Variants in SCFD2 observed in about 807,000 individuals in gnomAD.
The protein encoded by SCFD2 is sec1 family domain containing 2.
In SCFD2, 54 loss-of-function variants were observed where a neutral mutation model predicts 58.9. The ratio of observed to expected loss-of-function variants is 0.92; its 90% CI spans 0.74 to 1.15. The LOEUF (loss-of-function observed/expected upper bound fraction) is 1.15. SCFD2 is among the 50% of genes most tolerant of loss of function. The pLI is 0.00. For synonymous variants in SCFD2, 321 were observed against 335.9 expected (o/e 0.96, Z 0.49); for missense variants, 805 against 836.6 (o/e 0.96, Z 0.47).
intron 5 of SCFD2, among the ~76,000 whole-genome samples, chr4:53,014,349 G>A (rs577909897): frequency 3.9e-5 from 6 of 152,218 alleles, no homozygotes; most frequent in African/African-American, 7.2e-5. Context: ...AGGGATTATA[G>A]TCAGAGTCTC....
At chr4:52,961,003 G>A (rs548618537) in intron 5 of SCFD2, among the ~76,000 whole-genome samples, 3 of 152,254 alleles carry the variant, frequency 2.0e-5, no homozygotes, top group African/African-American at 4.8e-5. Context: ...GGACCTGAGC[G>A]GGACCTTGCA....
chr4:52,896,577 T>C (rs920681452), intron 7 of SCFD2, among the ~76,000 whole-genome samples: 13 of 152,192 alleles, frequency 8.5e-5, no homozygotes, highest in African/African-American at 3.1e-4. Context: ...TGTAGTATAG[T>C]TTGAAGTCAG....
intron 5 of SCFD2, among the ~76,000 whole-genome samples, chr4:52,998,779 G>T (rs1721800364): frequency 6.6e-6 from 1 of 151,980 alleles, no homozygotes; most frequent in African/African-American, 2.4e-5. Flanking sequence ...AAATACTAAA[G>T]GAAATACTTT....
At chr4:53,015,155 A>T (rs1722181512) in intron 5 of SCFD2, among the ~76,000 whole-genome samples, 1 of 152,226 alleles carries the variant, frequency 6.6e-6, no homozygotes, top group Admixed American at 6.5e-5. Flanking sequence ...CTCATTAAGC[A>T]AAGCTCACTA....
chr4:53,094,569 G>A (rs1043795669), intron 5 of SCFD2, among the ~76,000 whole-genome samples: 4 of 152,000 alleles, frequency 2.6e-5, no homozygotes, highest in African/African-American at 9.7e-5. Context: ...TGAGGGTGAG[G>A]ACTTTAACAT....
At chr4:53,297,788 G>A (rs1732095887) in intron 3 of SCFD2, among the ~76,000 whole-genome samples, 1 of 152,202 alleles carries the variant, frequency 6.6e-6, no homozygotes, top group African/African-American at 2.4e-5. Context: ...TGCAGTGGCT[G>A]GTACCAGTTG....
At chr4:52,883,921 C>CT (rs1391229407) in intron 8 of SCFD2, among the ~76,000 whole-genome samples, 3 of 152,180 alleles carry the variant, frequency 2.0e-5, no homozygotes, top group Non-Finnish European at 2.9e-5. Context: ...TCTGCTGTAG[C>CT]TCTCTAGGTA....
intron 2 of SCFD2, among the ~76,000 whole-genome samples, chr4:53,315,455 A>C (rs1382156708): frequency 2.6e-5 from 4 of 152,132 alleles, no homozygotes; most frequent in South Asian, 2.1e-4. Context: ...ATTCCTTGCC[A>C]AGTCATGTCA....
At chr4:52,946,961 T>C (rs1029105085) in intron 5 of SCFD2, among the ~76,000 whole-genome samples, 3 of 152,186 alleles carry the variant, frequency 2.0e-5, no homozygotes, top group Admixed American at 2.0e-4. Context: ...ATCTCTGTCC[T>C]GCTGACAGTT....
At chr4:52,913,922 A>G (rs908940428) in intron 6 of SCFD2, among the ~76,000 whole-genome samples, 14 of 152,190 alleles carry the variant, frequency 9.2e-5, no homozygotes, top group African/African-American at 3.1e-4. Flanking sequence ...AAGGAGTCTA[A>G]CTGTTTGCTA....
chr4:52,984,232 T>G (rs980403511), intron 5 of SCFD2, among the ~76,000 whole-genome samples: 4 of 152,224 alleles, frequency 2.6e-5, no homozygotes, highest in African/African-American at 9.6e-5. Flanking sequence ...GAGGCTATAT[T>G]GGATATATTC....
intron 5 of SCFD2, among the ~76,000 whole-genome samples, chr4:52,960,794 T>G (rs989695163): frequency 2.0e-5 from 3 of 152,100 alleles, no homozygotes; most frequent in African/African-American, 7.2e-5. Flanking sequence ...CAAAAATTTA[T>G]TATACATCAA....
At chr4:53,346,062 C>T (rs770070827) in intron 2 of SCFD2, among the ~76,000 whole-genome samples, 11 of 152,006 alleles carry the variant, frequency 7.2e-5, no homozygotes, top group Non-Finnish European at 1.5e-4. Context: ...AACAAACCTG[C>T]ACGTTGTGCA....
intron 4 of SCFD2, among the ~76,000 whole-genome samples, chr4:53,216,888 T>G (rs1728859992): frequency 6.6e-6 from 1 of 152,234 alleles, no homozygotes; most frequent in Admixed American, 6.5e-5. Flanking sequence ...TATTTCTGCC[T>G]TCATTTCGTT....
chr4:53,255,814 C>G (rs562777922), intron 4 of SCFD2, among the ~76,000 whole-genome samples: 1 of 150,296 alleles, frequency 6.7e-6, no homozygotes, highest in Non-Finnish European at 1.5e-5. Context: ...CCTCACCTCC[C>G]GGACCGGGCA....
intron 3 of SCFD2, among the ~76,000 whole-genome samples, chr4:53,297,236 C>A (rs1732069565): frequency 1.3e-5 from 2 of 151,932 alleles, no homozygotes; most frequent in South Asian, 2.1e-4. Flanking sequence ...TTGAAAGCAG[C>A]ATGTTAAAGT....
At chr4:53,205,242 G>C (rs2148972331) in intron 4 of SCFD2, among the ~76,000 whole-genome samples, 1 of 152,194 alleles carries the variant, frequency 6.6e-6, no homozygotes, top group African/African-American at 2.4e-5. Context: ...TCCAATTCAG[G>C]AGACAAGCAC....
In SCFD2 at chr4:53,109,028, C is replaced by T. The variant is rs1373045615; in HGVS notation, c.1561+36305G>A. ...AAAAGCTCATCTACCATGATCAAGT[C>T]AGCTTCATACCTGGGATGCAAGACT... On this transcript the variant is annotated intron_variant, in intron 5 of 8. Transcript: ENST00000401642. Among the ~76,000 whole-genome samples, 3 of 152,146 alleles carry T rather than the reference C, an allele frequency of 2.0e-5. No individual in the cohort carries two copies. The East Asian group carries it at 5.8e-4, about 29-fold the overall frequency.
At chr4:53,136,899 T>C (rs189222274) in intron 5 of SCFD2, among the ~76,000 whole-genome samples, 1 of 152,208 alleles carries the variant, frequency 6.6e-6, no homozygotes, top group Non-Finnish European at 1.5e-5. Context: ...GTTTATGATA[T>C]AAGTCCAGCA....
Sources: gnomAD v4.1 joint callset for allele counts (sites outside exome capture counted in the v4.1 genomes callset) on GRCh38, gnomAD v4.1.1 for gene constraint, MANE v1.5 for transcripts, NCBI Gene and HGNC (gene_info 2026-07-23, HGNC 2026-07-21) for gene names.